OR4Q3: variants seen among roughly 807,000 people sequenced by gnomAD.
OR4Q3 encodes olfactory receptor 4Q3.
A neutral mutation model predicts 18.8 loss-of-function variants in OR4Q3; 17 were observed. The ratio of observed to expected loss-of-function variants is 0.91; its 90% CI spans 0.62 to 1.36. The LOEUF (loss-of-function observed/expected upper bound fraction) is 1.36. OR4Q3 is among the 40% of genes most tolerant of loss of function. The pLI, the probability that OR4Q3 is intolerant of heterozygous loss-of-function variation, is 0.00. For missense variants in OR4Q3, 378 were observed against 373.4 expected (o/e 1.01, Z -0.10); for synonymous variants, 158 against 145.8 (o/e 1.08, Z -0.60).
chr14:19,749,153 G>T, exon 2 of OR4Q3: 1 of 152,246 alleles, frequency 6.6e-6, no homozygotes, highest in Admixed American at 6.5e-5. Context: ...AACCTCTAAA[G>T]GAACAGAGGA....
exon 2 of OR4Q3, chr14:19,748,947 A>G: frequency 1.3e-5 from 2 of 153,936 alleles, no homozygotes; most frequent in African/African-American, 4.8e-5. Context: ...TAATGAACAT[A>G]TGCTCTTAAC....
chr14:19,751,569 C>G, downstream of OR4Q3, among the ~76,000 whole-genome samples: 10 of 151,718 alleles, frequency 6.6e-5, no homozygotes, highest in Non-Finnish European at 2.9e-5. Context: ...AATTTCAGAG[C>G]TTGATATTGA....
exon 2 of OR4Q3, chr14:19,747,664 G>A: frequency 1.2e-6 from 2 of 1,614,004 alleles, no homozygotes; most frequent in African/African-American, 1.3e-5. Context: ...GTGTTACTGT[G>A]CCAAAGATGT....
exon 2 of OR4Q3, chr14:19,748,418 C>T: frequency 1.4e-6 from 2 of 1,391,064 alleles, no homozygotes; most frequent in East Asian, 2.3e-5. Context: ...TCTTGGAAGA[C>T]TCTTAACTCA....
intron 1 of OR4Q3, among the ~76,000 whole-genome samples, chr14:19,744,674 T>A (rs1310276948): frequency 6.6e-6 from 1 of 152,180 alleles, no homozygotes; most frequent in Non-Finnish European, 1.5e-5. Flanking sequence ...TTCACATTCT[T>A]AGGTTATTTT....
downstream of OR4Q3, among the ~76,000 whole-genome samples, chr14:19,749,773 TTTTTC>T: frequency 1.7e-3 from 224 of 131,924 alleles, 1 homozygote; most frequent in African/African-American, 5.6e-3. Flanking sequence ...TCTTTTTCTC[TTTTTC>T]TTTCTCTTTC....
At chr14:19,752,058 C>T, downstream of OR4Q3, among the ~76,000 whole-genome samples, 1 of 152,210 alleles carries the variant, frequency 6.6e-6, no homozygotes, top group African/African-American at 2.4e-5. Context: ...AGACCACAAA[C>T]TATGAAAATC....
Position 19,746,649 on chromosome 14 carries a change from C to T in OR4Q3, c.3-757C>T. ...AGATTGAGACTATTGCTTCTTACCT[C>T]ATTTTTACAAACTTCCTAATTTCTG... On this transcript the variant is annotated intron_variant, in intron 1 of 1. Transcript: ENST00000642117. Among the ~76,000 whole-genome samples, 30 of 152,300 alleles carry T rather than the reference C, an allele frequency of 2.0e-4. No individual in the cohort carries two copies. In the East Asian group the frequency reaches 5.4e-3, roughly 28 times the overall value.
downstream of OR4Q3, among the ~76,000 whole-genome samples, chr14:19,751,151 G>C: frequency 3.3e-5 from 5 of 152,238 alleles, no homozygotes; most frequent in African/African-American, 1.2e-4. Flanking sequence ...GGAATTGGTA[G>C]CATTATTTTA....
intron 1 of OR4Q3, among the ~76,000 whole-genome samples, chr14:19,744,537 T>G (rs1218879561): frequency 6.6e-6 from 1 of 152,174 alleles, no homozygotes; most frequent in Non-Finnish European, 1.5e-5. Flanking sequence ...GCCTTTGATA[T>G]TTAAGGTGTT....
At chr14:19,752,009 A>G, downstream of OR4Q3, among the ~76,000 whole-genome samples, 9 of 152,366 alleles carry the variant, frequency 5.9e-5, no homozygotes, top group East Asian at 1.7e-3. Flanking sequence ...TTTTCAGCAT[A>G]TAAGAAAATT....
At chr14:19,748,657 T>C in exon 2 of OR4Q3, 14 of 377,672 alleles carry the variant, frequency 3.7e-5, no homozygotes, top group Non-Finnish European at 5.7e-5. Context: ...TCTTTATGTC[T>C]CTAAGTACTG....
chr14:19,746,223 T>A, intron 1 of OR4Q3, among the ~76,000 whole-genome samples: 1 of 152,092 alleles, frequency 6.6e-6, no homozygotes, highest in African/African-American at 2.4e-5. Context: ...TCATATTTTG[T>A]CTATAGCTGG....
chr14:19,748,582 G>C, exon 2 of OR4Q3: 285 of 516,544 alleles, frequency 5.5e-4, no homozygotes, highest in Non-Finnish European at 4.9e-4. Flanking sequence ...AGAGAACTCA[G>C]GAACTCAGTA....
chr14:19,751,259 A>G, downstream of OR4Q3, among the ~76,000 whole-genome samples: 10,971 of 151,088 alleles, frequency 0.073, 346 homozygotes, highest in African/African-American at 0.19. Context: ...TAACTTATTG[A>G]TGTGCCGCTG....
chr14:19,744,289 T>A (rs1186193223), intron 1 of OR4Q3, among the ~76,000 whole-genome samples: 2 of 151,862 alleles, frequency 1.3e-5, no homozygotes, highest in Non-Finnish European at 2.9e-5. Context: ...AGCCAATCAT[T>A]TTCTATTGTT....
intron 1 of OR4Q3, among the ~76,000 whole-genome samples, chr14:19,746,339 T>A: frequency 2.6e-5 from 4 of 152,204 alleles, no homozygotes; most frequent in Non-Finnish European, 5.9e-5. Flanking sequence ...TCCAAGGTAC[T>A]GTCATCAAAT....
Position 19,748,397 on chromosome 14 carries a change from AAC to A in OR4Q3, c.*33_*34del. The A allele has an allele frequency of 2.4e-5, 37 of 1,515,892 alleles. No individual in the cohort carries two copies. The African/African-American group carries it at 4.4e-4, about 18-fold the overall frequency. The allele number at this position is 1,515,892 out of a possible 1,614,324, so 93.9% of individuals were successfully genotyped here. On this transcript the variant is annotated 3_prime_UTR_variant, in exon 2 of 2. Transcript: ENST00000642117. ...AATGAGCAGAAGAGGTGATTTGAAA[AAC>A]ACACTCTTTCTTGGAAGACTCTTAA... is the stretch of plus-strand genomic sequence containing the variant.
chr14:19,751,433 T>G, downstream of OR4Q3, among the ~76,000 whole-genome samples: 18 of 152,320 alleles, frequency 1.2e-4, no homozygotes, highest in African/African-American at 3.1e-4. Flanking sequence ...TTTATTTTTT[T>G]GGGAATAGTT....
Sources: allele counts gnomAD v4.1 joint callset (sites outside exome capture counted in the v4.1 genomes callset), GRCh38; gene constraint gnomAD v4.1.1; transcripts MANE v1.5; gene names NCBI Gene and HGNC (gene_info 2026-07-23, HGNC 2026-07-21).